The following TANC1 variants were observed in gnomAD, a reference collection of about 807,000 sequenced individuals.
TANC1 encodes tetratricopeptide repeat, ankyrin repeat and coiled-coil containing 1.
A neutral mutation model predicts 149.7 loss-of-function variants in TANC1; 77 were observed. That is an observed-to-expected ratio of 0.51 (90% CI 0.43 to 0.62). The LOEUF (loss-of-function observed/expected upper bound fraction) is 0.62, where lower values mean the gene tolerates loss of function less well. Among genes scored for constraint, TANC1 ranks in the 20% least tolerant of loss-of-function variants. The pLI is 0.00. For missense variants in TANC1, 1,985 were observed against 2,321.8 expected (o/e 0.85, Z 2.98); for synonymous variants, 854 against 925.0 (o/e 0.92, Z 1.39).
At chr2:159,111,043 A>T (rs535839157) in intron 4 of TANC1, among the ~76,000 whole-genome samples, 1 of 152,340 alleles carries the variant, frequency 6.6e-6, no homozygotes, top group East Asian at 1.9e-4. Flanking sequence ...TTAAAATGTT[A>T]TGTATGTAGA....
intron 1 of TANC1, among the ~76,000 whole-genome samples, chr2:158,977,840 C>G (rs2033870112): frequency 6.6e-6 from 1 of 152,104 alleles, no homozygotes; most frequent in Non-Finnish European, 1.5e-5. Context: ...CTCCTTGTCT[C>G]TGCTAATACC....
At chr2:159,127,741 AGTAGCTAAT>A (rs1336482672) in intron 4 of TANC1, among the ~76,000 whole-genome samples, 2 of 152,258 alleles carry the variant, frequency 1.3e-5, no homozygotes, top group African/African-American at 4.8e-5. Context: ...CATCAGGATA[AGTAGCTAAT>A]GTATGTGGGG....
At chr2:159,039,858 C>T (rs1040957735) in intron 2 of TANC1, among the ~76,000 whole-genome samples, 1 of 152,156 alleles carries the variant, frequency 6.6e-6, no homozygotes, top group Non-Finnish European at 1.5e-5. Flanking sequence ...CTGTAGATGT[C>T]TATTAGGTCC....
intron 24 of TANC1, chr2:159,226,048 T>G: frequency 2.4e-6 from 1 of 413,344 alleles, no homozygotes; most frequent in Middle Eastern, 7.3e-4. Context: ...CAGGTGCCTG[T>G]AATCCCAGCT....
At chr2:158,984,132 G>A (rs1299198570) in intron 1 of TANC1, among the ~76,000 whole-genome samples, 1 of 152,164 alleles carries the variant, frequency 6.6e-6, no homozygotes, top group Non-Finnish European at 1.5e-5. Context: ...AAGTCAAGTG[G>A]TACTTGAGCT....
chr2:159,215,339 CG>C (rs2059275704), intron 19 of TANC1, among the ~76,000 whole-genome samples: 1 of 152,168 alleles, frequency 6.6e-6, no homozygotes, highest in South Asian at 2.1e-4. Flanking sequence ...TAAGGACAGT[CG>C]GTAGAGACTG....
intron 3 of TANC1, among the ~76,000 whole-genome samples, chr2:159,085,854 G>A (rs1310986181): frequency 6.6e-6 from 1 of 152,098 alleles, no homozygotes; most frequent in Non-Finnish European, 1.5e-5. Context: ...ATTTCAAAGG[G>A]GCAGATGTTC....
chr2:159,230,706 T>C lies in TANC1; in HGVS notation c.5280T>C (p.Ala1760=). 1 of 1,614,212 alleles carries C rather than the reference T, an allele frequency of 6.2e-7. No individual in the cohort carries two copies. The highest frequency in any genetic ancestry group is 8.5e-7 in the Non-Finnish European group (1 of 1,180,042). ...TGCTGACAAACACGTCTTCTGCAGCTGGCCTGCAGTCTGCTAACACTGAGA... is the reference window on the plus strand; with the variant it reads ...TGCTGACAAACACGTCTTCTGCAGCCGGCCTGCAGTCTGCTAACACTGAGA... ...EGLLTNTSSA[A]GLQSANTEKP... The change falls in exon 27 of 27, where the codon GCT becomes GCC. Residue 1760 remains alanine, a synonymous_variant. Coordinates refer to ENST00000263635, the MANE Select transcript of TANC1 (RefSeq NM_033394.3). This position sits in a 1 kb window ranked among gnomAD's most constrained non-coding sequence, Gnocchi z 4.4.
intron 4 of TANC1, among the ~76,000 whole-genome samples, chr2:159,129,696 G>T (rs35772392): frequency 0.23 from 35,334 of 151,916 alleles, 5,330 homozygotes; most frequent in Non-Finnish European, 0.35. Flanking sequence ...ACCTTCTCCT[G>T]TATCACATAG....
intron 4 of TANC1, among the ~76,000 whole-genome samples, chr2:159,105,516 C>T (rs563640160): frequency 6.6e-6 from 1 of 152,270 alleles, no homozygotes; most frequent in African/African-American, 2.4e-5. Context: ...TCTCTGATAT[C>T]TCCTTGGGGT....
At chr2:159,041,259 A>G (rs2040606905) in intron 2 of TANC1, among the ~76,000 whole-genome samples, 1 of 152,198 alleles carries the variant, frequency 6.6e-6, no homozygotes, top group Admixed American at 6.5e-5. Context: ...TTGAGGAGGC[A>G]ATCTGTCCAT....
At chr2:159,159,479 G>A (rs1052871162) in intron 7 of TANC1, among the ~76,000 whole-genome samples, 2 of 151,590 alleles carry the variant, frequency 1.3e-5, no homozygotes, top group African/African-American at 4.9e-5. Context: ...TGAAGAAAGA[G>A]TGCAGTCGTA....
chr2:159,010,556 C>T (rs910213323), intron 2 of TANC1, among the ~76,000 whole-genome samples: 2 of 152,112 alleles, frequency 1.3e-5, no homozygotes, highest in Admixed American at 1.3e-4. Context: ...GGCAGGCATG[C>T]TGGCAAACCC....
Position 159,196,709 on chromosome 2 carries a change from G to A in TANC1, c.3081G>A (p.Pro1027=), listed in dbSNP as rs553191342. ...LQYLLTCEWS[P]GPPQPGTLRK... is the part of the protein sequence containing the mutation. Reference sequence around the variant, plus strand: ...ACCTGCTGACTTGTGAGTGGTCGCCGGGTCCTCCCCAGCCAGGCACCCTGA... The same window carrying A: ...ACCTGCTGACTTGTGAGTGGTCGCCAGGTCCTCCCCAGCCAGGCACCCTGA... Residue 1027 remains proline (P), a synonymous_variant, in exon 18 of 27, where the codon CCG becomes CCA. Transcript: ENST00000263635. The A allele has an allele frequency of 2.6e-5, 42 of 1,613,858 alleles. No homozygotes were observed. The highest frequency in any genetic ancestry group is 3.5e-5 in the Non-Finnish European group (41 of 1,180,028).
At chr2:159,148,424 C>T (rs1425022889) in intron 5 of TANC1, 2 of 152,226 alleles carry the variant, frequency 1.3e-5, no homozygotes, top group Non-Finnish European at 2.9e-5. Context: ...TCAGGGAGAA[C>T]CCAAGAAAAG....
intron 1 of TANC1, among the ~76,000 whole-genome samples, chr2:158,988,349 A>T (rs897191911): frequency 2.0e-5 from 3 of 151,234 alleles, no homozygotes; most frequent in African/African-American, 7.3e-5. Context: ...AAAAAGAAAA[A>T]GTGTTTTCGT....
chr2:159,215,664 G>C (rs138010308), intron 19 of TANC1, among the ~76,000 whole-genome samples: 1 of 152,204 alleles, frequency 6.6e-6, no homozygotes, highest in Non-Finnish European at 1.5e-5. Flanking sequence ...AGACAAACCA[G>C]GTCCCGCCCT....
At position 159,186,782 on chromosome 2, in the gene TANC1, C is replaced by T. The variant is rs2057000469; in HGVS notation, c.2620-120C>T. On this transcript the variant is annotated intron_variant, in intron 15 of 26. Coordinates refer to ENST00000263635, the MANE Select transcript of TANC1 (RefSeq NM_033394.3). ...TTCTTTGTGTGTGACCCCGTGCCTTCTGCAGGTATCTGCACCCTCTGCGGC... is the reference window on the plus strand; with the variant it reads ...TTCTTTGTGTGTGACCCCGTGCCTTTTGCAGGTATCTGCACCCTCTGCGGC... The T allele has an allele frequency of 3.1e-6, 4 of 1,275,642 alleles. No homozygotes were observed. The East Asian group carries it at 7.1e-5, about 22-fold the overall frequency. 79.0% of individuals were successfully genotyped at this position (1,275,642 alleles called of 1,614,324 possible).
chr2:159,074,660 C>T (rs1276035715), intron 3 of TANC1, among the ~76,000 whole-genome samples: 1 of 152,156 alleles, frequency 6.6e-6, no homozygotes, highest in Non-Finnish European at 1.5e-5. Context: ...AAGCTTCTTT[C>T]CAAGTACGAG....
Sources: gnomAD v4.1 joint callset for allele counts (sites outside exome capture counted in the v4.1 genomes callset) on GRCh38, gnomAD v4.1.1 for gene constraint, Gnocchi (gnomAD v3.1) non-coding constraint, MANE v1.5 for transcripts, NCBI Gene and HGNC (gene_info 2026-07-23, HGNC 2026-07-21) for gene names.